Variants in ZNF212 observed in about 807,000 individuals in gnomAD.
ZNF212 encodes the protein Zinc finger protein C2H2-150.
Under a neutral mutation model 47.3 loss-of-function variants are expected in ZNF212, and 32 were observed. The ratio of observed to expected loss-of-function variants is 0.68; its 90% CI spans 0.51 to 0.91. The LOEUF is 0.91. Among genes scored for constraint, ZNF212 ranks in the 40% least tolerant of loss-of-function variants. The probability of loss-of-function intolerance (pLI) is 0.00; values close to 1 mark genes in which losing one functional copy is unlikely to be tolerated. For synonymous variants in ZNF212, 242 were observed against 253.8 expected (o/e 0.95, Z 0.44); for missense variants, 555 against 622.8 (o/e 0.89, Z 1.16).
At chr7:149,245,403 G>A (rs1796662306) in intron 1 of ZNF212, among the ~76,000 whole-genome samples, 1 of 150,020 alleles carries the variant, frequency 6.7e-6, no homozygotes, top group African/African-American at 2.4e-5. Flanking sequence ...TTTATGAATT[G>A]AAATTCATCC....
At chr7:149,250,091 C>T (rs907085312) in intron 1 of ZNF212, 68 bp from the exon 2 acceptor site, 6 of 1,416,938 alleles carry the variant, frequency 4.2e-6, no homozygotes, top group South Asian at 1.8e-5. Flanking sequence ...AGCACTGATA[C>T]ACTTGAACAC....
rs1326541307 is a variant in ZNF212, at chr7:149,250,270, G to T, written c.136G>T (p.Ala46Ser). 2 of 1,613,470 alleles carry T rather than the reference G, an allele frequency of 1.2e-6. No homozygotes were observed. Among genetic ancestry groups the T allele is most frequent in the Non-Finnish European group, 1.7e-6 (2 of 1,179,714 alleles). The part of the protein sequence containing the change: ...TTEISLWTVV[A>S]AIQAVEKKME... Reference sequence around the variant, plus strand: ...CGAGATTTCACTCTGGACGGTGGTGGCCGCTATTCAGGCTGTGGAGAAGAA... The same window carrying T: ...CGAGATTTCACTCTGGACGGTGGTGTCCGCTATTCAGGCTGTGGAGAAGAA... Residue 46 changes from alanine to serine, a missense_variant, in exon 2 of 5, where the codon GCC becomes TCC. Physicochemically the swap from Ala to Ser is moderately conservative, Grantham distance 99 (BLOSUM62 1). Coordinates refer to ENST00000335870, the MANE Select transcript of ZNF212 (RefSeq NM_012256.4).
intron 1 of ZNF212, among the ~76,000 whole-genome samples, chr7:149,245,359 GA>G (rs11413172): frequency 0.052 from 5,787 of 111,544 alleles, 158 homozygotes; most frequent in Non-Finnish European, 0.073. Flanking sequence ...CTCCATCTCA[GA>G]AAAAAAAAAA....
chr7:149,248,524 A>G lies in ZNF212; in HGVS notation c.25-1635A>G, dbSNP rs141310061. ...ATCATGCTAGATAATTCAAAACAGAAGACAAGAAGAAACTAGCTTAATCAT... is the reference window on the plus strand; with the variant it reads ...ATCATGCTAGATAATTCAAAACAGAGGACAAGAAGAAACTAGCTTAATCAT... On this transcript the variant is annotated intron_variant, in intron 1 of 4. Coordinates refer to ENST00000335870, the MANE Select transcript of ZNF212 (RefSeq NM_012256.4). Among the ~76,000 whole-genome samples, 766 of 152,304 alleles carry G rather than the reference A, an allele frequency of 5.0e-3. 2 individuals are homozygous for G. The highest frequency in any genetic ancestry group is 8.3e-3 in the Non-Finnish European group (567 of 68,022).
At chr7:149,247,049 T>G (rs1468837902) in intron 1 of ZNF212, among the ~76,000 whole-genome samples, 2 of 148,398 alleles carry the variant, frequency 1.3e-5, no homozygotes, top group Non-Finnish European at 3.0e-5. Flanking sequence ...CAACCTCAGG[T>G]GATCCGCCCG....
chr7:149,250,553 T>G lies in ZNF212; in HGVS notation c.414+5T>G. ...AGCAAGGGGGAGGCCCCCAAGGTAGTCTCATTGAGGATTAAAAGTTAGAAG... is the reference window on the plus strand; with the variant it reads ...AGCAAGGGGGAGGCCCCCAAGGTAGGCTCATTGAGGATTAAAAGTTAGAAG... On this transcript the variant is annotated splice_donor_5th_base_variant and intron_variant, in intron 2 of 4. Transcript: ENST00000335870. The G allele has an allele frequency of 6.2e-7, 1 of 1,608,748 alleles. No individual in the cohort carries two copies. Among genetic ancestry groups the G allele is most frequent in the Non-Finnish European group, 8.5e-7 (1 of 1,177,334 alleles).
At chr7:149,252,200 G>T (rs1056177904) in intron 3 of ZNF212, among the ~76,000 whole-genome samples, 1 of 152,162 alleles carries the variant, frequency 6.6e-6, no homozygotes. Context: ...GTACATGGAG[G>T]AGTGTCAAGT....
chr7:149,251,885 G>C (rs1355376494), intron 3 of ZNF212, among the ~76,000 whole-genome samples: 1 of 149,542 alleles, frequency 6.7e-6, no homozygotes, highest in Non-Finnish European at 1.5e-5. Flanking sequence ...TGGGAGGATA[G>C]CTTGAGGCTA....
In ZNF212 at chr7:149,239,692, T is replaced by A; in HGVS notation, c.-87T>A. 3.6e-6 allele frequency: 3 copies of A among 823,384 alleles called. No individual in the cohort carries two copies. The highest frequency in any genetic ancestry group is 5.2e-5 in the South Asian group (1 of 19,382). The allele number at this position is 823,384 out of a possible 1,614,324, so 51.0% of individuals were successfully genotyped here. On this transcript the variant is annotated 5_prime_UTR_variant, in exon 1 of 5. Transcript: ENST00000335870. ...CAACACGGCGGCGGCGGCGGCGGCT[T>A]CCAACAGGCTCTGGGGCGCCGAGCG...
chr7:149,251,561 C>G (rs894860267), intron 3 of ZNF212, among the ~76,000 whole-genome samples: 7 of 141,790 alleles, frequency 4.9e-5, no homozygotes, highest in African/African-American at 1.9e-4. Flanking sequence ...GATCTCGGCT[C>G]ACTGCAGCCT....
At chr7:149,240,637 C>T (rs1358794700) in intron 1 of ZNF212, among the ~76,000 whole-genome samples, 2 of 152,208 alleles carry the variant, frequency 1.3e-5, no homozygotes, top group Non-Finnish European at 2.9e-5. Context: ...CATTCTCATA[C>T]TGTTCCCATA....
rs564109123 is a variant in ZNF212 at position 149,254,380 on chromosome 7, G to C, written c.1453G>C (p.Ala485Pro). Residue 485 changes from alanine to proline, a missense_variant, in exon 5 of 5, where the codon GCC becomes CCC. Physicochemically the swap from Ala to Pro is conservative, Grantham distance 27 (BLOSUM62 -1). Coordinates refer to ENST00000335870, the MANE Select transcript of ZNF212 (RefSeq NM_012256.4). The surrounding 1 kb of genome is among the most constrained non-coding windows in gnomAD (Gnocchi z 4.5). ...KIHQRERGGL[A>P]LEPGRPNGLL ...CCACCAGCGGGAGCGGGGTGGGCTG[G>C]CCCTGGAGCCCGGAAGGCCCAATGG... The C allele has an allele frequency of 4.4e-6, 7 of 1,605,812 alleles. No individual in the cohort carries two copies. The South Asian group carries it at 5.5e-5, about 13-fold the overall frequency.
In ZNF212 at chr7:149,254,848, T is replaced by TTAA. The variant is rs2129524438; in HGVS notation, c.*440_*442dup. ...TTTTCTTGTTTTATAATCTCTTTGT[T>TTAA]TAATAATAAGTAGAAGAAATAATTT... On this transcript the variant is annotated 3_prime_UTR_variant, in exon 5 of 5. Coordinates refer to ENST00000335870, the MANE Select transcript of ZNF212 (RefSeq NM_012256.4). The surrounding 1 kb of genome is among the most constrained non-coding windows in gnomAD (Gnocchi z 4.5). 1 of 166,452 alleles carries TTAA rather than the reference T, an allele frequency of 6.0e-6. No homozygotes were observed. The highest frequency in any genetic ancestry group is 1.8e-4 in the East Asian group (1 of 5,586). 10.3% of individuals were successfully genotyped at this position (166,452 alleles called of 1,614,324 possible). A position where few individuals can be genotyped will look rare whatever the true frequency, so the allele number is the denominator to read the frequency against.
intron 1 of ZNF212, 140 bp downstream of exon 1, chr7:149,239,942 T>C (rs1015816505): frequency 5.0e-6 from 5 of 1,002,502 alleles, no homozygotes; most frequent in South Asian, 3.7e-5. Flanking sequence ...ACGCGGACCC[T>C]CCTCTTCGCG....
chr7:149,248,050 A>C (rs1477639282), intron 1 of ZNF212, among the ~76,000 whole-genome samples: 1 of 152,140 alleles, frequency 6.6e-6, no homozygotes, highest in South Asian at 2.1e-4. Context: ...TTCACAACCC[A>C]CTGTAGTGGG....
Position 149,250,434 on chromosome 7 carries a change from G to A in ZNF212, c.300G>A (p.Leu100=), listed in dbSNP as rs907266899. 8.7e-6 allele frequency: 14 copies of A among 1,614,070 alleles called. No individual in the cohort carries two copies. Among genetic ancestry groups the A allele is most frequent in the African/African-American group, 1.3e-5 (1 of 74,932 alleles). ...GCAAGTGGGCCGTGCTGGGGACCCT[G>A]CTGCAGGAGTATGGGCTACTGCAGA... ...LEGKWAVLGT[L]LQEYGLLQRR... Residue 100 remains leucine (L), a synonymous_variant, in exon 2 of 5, where the codon CTG becomes CTA. Transcript: ENST00000335870.
Position 149,254,363 on chromosome 7 carries a change from GGGA to G in ZNF212, c.1438_1440del (p.Glu480del). The G allele has an allele frequency of 6.2e-7, 1 of 1,609,696 alleles. No homozygotes were observed. Among genetic ancestry groups the G allele is most frequent in the Non-Finnish European group, 8.5e-7 (1 of 1,179,954 alleles). ...CTGCAGCACCAGAAGATCCACCAGC[GGGA>G]GCGGGGTGGGCTGGCCCTGGAGCCC... On this transcript the variant is annotated inframe_deletion, in exon 5 of 5. Coordinates refer to ENST00000335870, the MANE Select transcript of ZNF212 (RefSeq NM_012256.4). This position sits in a 1 kb window ranked among gnomAD's most constrained non-coding sequence, Gnocchi z 4.5.
Position 149,254,037 on chromosome 7 carries a change from G to A in ZNF212, c.1110G>A (p.Gln370=), listed in dbSNP as rs1796798730. 6.2e-7 allele frequency: 1 copy of A among 1,612,986 alleles called. No individual in the cohort carries two copies. Among genetic ancestry groups the A allele is most frequent in the East Asian group, 2.2e-5 (1 of 44,846 alleles). The change falls in exon 5 of 5, where the codon CAG becomes CAA. Residue 370 remains glutamine, a synonymous_variant. Transcript: ENST00000335870. This position sits in a 1 kb window ranked among gnomAD's most constrained non-coding sequence, Gnocchi z 4.5. The part of the protein sequence containing the change: ...KPQTKKAKLH[Q]CDVCLRSFSC... ...AGACCAAAAAGGCCAAGCTGCATCA[G>A]TGTGATGTGTGCCTGAGGAGCTTCA...
intron 1 of ZNF212, among the ~76,000 whole-genome samples, chr7:149,245,667 G>C (rs995047389): frequency 3.9e-5 from 6 of 151,994 alleles, no homozygotes; most frequent in African/African-American, 1.5e-4. Flanking sequence ...CATCATGCCT[G>C]GCTAATTTTA....
Sources: gnomAD v4.1 joint callset for allele counts (sites outside exome capture counted in the v4.1 genomes callset) on GRCh38, gnomAD v4.1.1 for gene constraint, Gnocchi (gnomAD v3.1) non-coding constraint, MANE v1.5 for transcripts, NCBI Gene and HGNC (gene_info 2026-07-23, HGNC 2026-07-21) for gene names.